The following UBTF variants were observed in gnomAD, a reference collection of about 807,000 sequenced individuals.
UBTF encodes the protein nucleolar transcription factor 1.
UBTF carries 8 observed loss-of-function variants against 112.3 expected under a neutral mutation model. The observed-to-expected ratio is 0.07, with a 90% CI of 0.04 to 0.13. The LOEUF is 0.13. UBTF is among the 10% of genes least tolerant of loss of function. The probability of loss-of-function intolerance (pLI) is 1.00; values close to 1 mark genes in which losing one functional copy is unlikely to be tolerated. For synonymous variants in UBTF, 417 were observed against 373.1 expected, an observed-to-expected ratio of 1.12 and a Z score of -1.36; for missense variants, 457 against 982.1, an observed-to-expected ratio of 0.47 and a Z score of 7.15.
Position 44,210,105 on chromosome 17 carries a change from G to A in UBTF, c.1626+19C>T, listed in dbSNP as rs755840153. 1.7e-5 allele frequency: 28 copies of A among 1,612,780 alleles called. No homozygotes were observed. Among genetic ancestry groups the A allele is most frequent in the Non-Finnish European group, 2.2e-5 (26 of 1,178,940 alleles). ...TCCCGAGCTTTCAATGAATGGGGTGGCCCCAGCCCCATTCCTACCTCATAT... is the reference window on the plus strand; with the variant it reads ...TCCCGAGCTTTCAATGAATGGGGTGACCCCAGCCCCATTCCTACCTCATAT... On this transcript the variant is annotated intron_variant, in intron 15 of 20. Coordinates refer to ENST00000436088, the MANE Select transcript of UBTF (RefSeq NM_014233.4).
In UBTF at chr17:44,206,007, G is replaced by A. The variant is rs1157786546; in HGVS notation, c.*1235C>T. ...GGGGGTGGTGGGAGGATTCAAGGAA[G>A]GCTGGAGGGATGTGTAAGTTAGGAG... is the stretch of plus-strand genomic sequence containing the variant. On this transcript the variant is annotated 3_prime_UTR_variant, in exon 21 of 21. Coordinates refer to ENST00000436088, the MANE Select transcript of UBTF (RefSeq NM_014233.4). 1 of 152,176 alleles carries A rather than the reference G, an allele frequency of 6.6e-6. No homozygotes were observed. The highest frequency in any genetic ancestry group is 1.5e-5 in the Non-Finnish European group (1 of 68,040). 9.4% of individuals were successfully genotyped at this position (152,176 alleles called of 1,614,324 possible).
intron 15 of UBTF, 116 bp from the exon 16 acceptor site, chr17:44,209,849 G>A (rs2144531172): frequency 1.8e-6 from 2 of 1,131,340 alleles, no homozygotes; most frequent in East Asian, 2.6e-5. Context: ...GGGAGGAGGA[G>A]AAACAGGTAG....
In UBTF at chr17:44,210,130, T is replaced by C. The variant is rs2056558927; in HGVS notation, c.1620A>G (p.Arg540=). Residue 540 remains arginine (R), a synonymous_variant, in exon 15 of 21, where the codon CGA becomes CGG. Coordinates refer to ENST00000436088, the MANE Select transcript of UBTF (RefSeq NM_014233.4). ...GCCCCAGCCCCATTCCTACCTCATA[T>C]CGCTTTTGGTCTTCGGCTGCCTTCT... ...WIKKAAEDQK[R]YERELSEMRA... 1 of 1,614,186 alleles carries C rather than the reference T, an allele frequency of 6.2e-7. No homozygotes were observed. Among genetic ancestry groups the C allele is most frequent in the South Asian group, 1.1e-5 (1 of 91,086 alleles).
At position 44,211,039 on chromosome 17, in the gene UBTF, C is replaced by A; in HGVS notation, c.1203G>T (p.Lys401Asn). The A allele has an allele frequency of 6.2e-7, 1 of 1,610,366 alleles. No homozygotes were observed. Reference protein sequence around the residue: ...ASKKPAQEGGKGGSEKPKRPV... With the variant: ...ASKKPAQEGGNGGSEKPKRPV... Reference sequence around the variant, plus strand: ...CTGCGCGGCCGCACCCTCTGCCCACCTTGCCCCCTTCCTGGGCTGGCTTCT... The same window carrying A: ...CTGCGCGGCCGCACCCTCTGCCCACATTGCCCCCTTCCTGGGCTGGCTTCT... Residue 401 changes from lysine to asparagine, a missense_variant and splice_region_variant, in exon 12 of 21, where the codon AAG becomes AAT. This residue lies in a region of UBTF where 108 missense variants were observed against 137.4 expected (regional missense o/e 0.79). Coordinates refer to ENST00000436088, the MANE Select transcript of UBTF (RefSeq NM_014233.4). The surrounding 1 kb of genome is among the most constrained non-coding windows in gnomAD (Gnocchi z 4.9).
rs781085881 is a variant in UBTF, at chr17:44,207,508, A to G, written c.2115T>C (p.Asp705=). The G allele has an allele frequency of 1.2e-6, 2 of 1,613,128 alleles. No individual in the cohort carries two copies. The highest frequency in any genetic ancestry group is 2.2e-5 in the South Asian group (2 of 91,028). Residue 705 remains aspartate, a synonymous_variant, in exon 20 of 21, where the codon GAT becomes GAC. Coordinates refer to ENST00000436088, the MANE Select transcript of UBTF (RefSeq NM_014233.4). ...EDDENGDSSE[D]GGDSSESSSE... The stretch of plus-strand genomic sequence containing the variant: ...TGCTGGACTCAGAGGAGTCGCCGCC[A>G]TCTTCAGAGGAGTCCCCATTCTCAT...
chr17:44,210,945 G>T lies in UBTF; in HGVS notation c.1206C>A (p.Gly402=), dbSNP rs199871004. ...SKKPAQEGGK[G]GSEKPKRPVS... is the part of the protein sequence containing the mutation. ...CGGGCCGCTTGGGCTTCTCGGAGCC[G>T]CCCTGTCCAGGTGCAGAGGGTCGGG... The change falls in exon 13 of 21, where the codon GGC becomes GGA. Residue 402 remains glycine (G), a splice_region_variant and synonymous_variant. Coordinates refer to ENST00000436088, the MANE Select transcript of UBTF (RefSeq NM_014233.4). 6.2e-7 allele frequency: 1 copy of T among 1,605,930 alleles called. No individual in the cohort carries two copies. Among genetic ancestry groups the T allele is most frequent in the South Asian group, 1.1e-5 (1 of 90,858 alleles).
At chr17:44,212,630 C>G (rs966578532) in intron 7 of UBTF, among the ~76,000 whole-genome samples, 176 bp from the exon 8 acceptor site, 2 of 152,180 alleles carry the variant, frequency 1.3e-5, no homozygotes, top group Admixed American at 6.5e-5. Flanking sequence ...TGCAAGGGGA[C>G]TGGCTCATAC....
In UBTF at chr17:44,212,137, C is replaced by T. The variant is rs1026288343; in HGVS notation, c.772-131G>A. On this transcript the variant is annotated intron_variant, in intron 8 of 20. Coordinates refer to ENST00000436088, the MANE Select transcript of UBTF (RefSeq NM_014233.4). ...GTGGCTGCGCGTCAGTGGTGTCACA[C>T]GAGACGTGGTGCCCTGCCCTGCCCT... 1.0e-4 allele frequency: 94 copies of T among 908,764 alleles called. No individual in the cohort carries two copies. In the Middle Eastern group the frequency reaches 1.4e-3, roughly 14 times the overall value. The allele number at this position is 908,764 out of a possible 1,614,324, so 56.3% of individuals were successfully genotyped here.
Position 44,207,142 on chromosome 17 carries a change from C to A in UBTF, c.*100G>T. 2 of 1,333,720 alleles carry A rather than the reference C, an allele frequency of 1.5e-6. No homozygotes were observed. The highest frequency in any genetic ancestry group is 2.1e-6 in the Non-Finnish European group (2 of 969,616). The allele number at this position is 1,333,720 out of a possible 1,614,324, so 82.6% of individuals were successfully genotyped here. ...AAGAAAGAAAGAAAGTGGGGGAGGC[C>A]AGGGGGGCAAGGGACAGAACATGGG... is the stretch of plus-strand genomic sequence containing the variant. On this transcript the variant is annotated 3_prime_UTR_variant, in exon 21 of 21. Coordinates refer to ENST00000436088, the MANE Select transcript of UBTF (RefSeq NM_014233.4).
At position 44,212,602 on chromosome 17, in the gene UBTF, G is replaced by A. The variant is rs1414361141; in HGVS notation, c.661-148C>T. The A allele has an allele frequency of 7.6e-6, 8 of 1,046,264 alleles. No homozygotes were observed. In the African/African-American group the frequency reaches 1.3e-4, roughly 17 times the overall value. 64.8% of individuals were successfully genotyped at this position (1,046,264 alleles called of 1,614,324 possible). A position where few individuals can be genotyped will look rare whatever the true frequency, so the allele number is the denominator to read the frequency against. On this transcript the variant is annotated intron_variant, in intron 7 of 20. Coordinates refer to ENST00000436088, the MANE Select transcript of UBTF (RefSeq NM_014233.4). The stretch of plus-strand genomic sequence containing the variant: ...CAGGCCAGGAGGGGAAGGCGGAGAG[G>A]CGGGGATCCCGCCTGGGTGCAAGGG...
intron 5 of UBTF, chr17:44,215,424 T>C (rs1198852467): frequency 1.8e-6 from 1 of 551,240 alleles, no homozygotes; most frequent in Non-Finnish European, 3.2e-6. Flanking sequence ...GGGGGAAAGG[T>C]TGGTCTGAGC....
chr17:44,211,455 G>A lies in UBTF; in HGVS notation c.1048-124C>T. On this transcript the variant is annotated intron_variant, in intron 10 of 20. Transcript: ENST00000436088. The surrounding 1 kb of genome is among the most constrained non-coding windows in gnomAD (Gnocchi z 4.9). ...TGGGTGTGGGCTGGACTCCCTGCCT[G>A]GACGGGCTCAGTTGCTAAGCCCAGC... The A allele has an allele frequency of 6.4e-7, 1 of 1,563,036 alleles. No individual in the cohort carries two copies. The highest frequency in any genetic ancestry group is 2.2e-5 in the East Asian group (1 of 44,558).
rs2056221060 is a variant in UBTF at position 44,205,980 on chromosome 17, T to G, written c.*1262A>C. 6.6e-6 allele frequency: 1 copy of G among 151,278 alleles called. No individual in the cohort carries two copies. The highest frequency in any genetic ancestry group is 1.5e-5 in the Non-Finnish European group (1 of 67,832). The allele number at this position is 151,278 out of a possible 1,614,324, so 9.4% of individuals were successfully genotyped here. On this transcript the variant is annotated 3_prime_UTR_variant, in exon 21 of 21. Transcript: ENST00000436088. ...AGCAGACCTGAGAAATTAAAGGAAA[T>G]AGGGGGTGGTGGGAGGATTCAAGGA...
chr17:44,214,073 C>G (rs2046721319), intron 5 of UBTF, among the ~76,000 whole-genome samples: 1 of 152,274 alleles, frequency 6.6e-6, no homozygotes, highest in Non-Finnish European at 1.5e-5. Context: ...GTGTCTCTTT[C>G]TCTTCCTCAT....
rs184643601 is a variant in UBTF, at chr17:44,214,281, T to G, written c.475-999A>C. Reference sequence around the variant, plus strand: ...AAACCAGAAGCAGAGCTCAGCCTCCTCTTCCCCCATCTCAGTCCTCCTCAG... The same window carrying G: ...AAACCAGAAGCAGAGCTCAGCCTCCGCTTCCCCCATCTCAGTCCTCCTCAG... On this transcript the variant is annotated intron_variant, in intron 5 of 20. Transcript: ENST00000436088. Among the ~76,000 whole-genome samples, 21 of 152,310 alleles carry G rather than the reference T, an allele frequency of 1.4e-4. 1 individual carries two copies. In the East Asian group the frequency reaches 2.7e-3, roughly 20 times the overall value.
At chr17:44,218,573 G>T (rs918369871) in intron 1 of UBTF, 1 of 149,174 alleles carries the variant, frequency 6.7e-6, no homozygotes, top group Admixed American at 1.1e-4. Flanking sequence ...CCCGCCCTCC[G>T]CCCCGCTTCC....
At position 44,210,849 on chromosome 17, in the gene UBTF, C is replaced by T. The variant is rs2056627785; in HGVS notation, c.1302G>A (p.Glu434=). ...GGGCCAGCAGGCGGGTCAGCTCGCTCTCGGAGAGCTCAGGCCGCTCCTCCT... is the reference window on the plus strand; with the variant it reads ...GGGCCAGCAGGCGGGTCAGCTCGCTTTCGGAGAGCTCAGGCCGCTCCTCCT... ...QLQEERPELS[E]SELTRLLARM... is the part of the protein sequence containing the mutation. Residue 434 remains glutamate, a synonymous_variant, in exon 13 of 21, where the codon GAG becomes GAA. Transcript: ENST00000436088. 2 of 1,572,236 alleles carry T rather than the reference C, an allele frequency of 1.3e-6. No individual in the cohort carries two copies. The highest frequency in any genetic ancestry group is 1.7e-6 in the Non-Finnish European group (2 of 1,158,566).
intron 6 of UBTF, 124 bp downstream of exon 6, chr17:44,213,094 G>T: frequency 6.6e-7 from 1 of 1,521,954 alleles, no homozygotes; most frequent in Non-Finnish European, 8.9e-7. Context: ...TGACACACTA[G>T]GGCTCACATG....
chr17:44,208,470 C>T (rs2056422899), intron 17 of UBTF: 1 of 154,112 alleles, frequency 6.5e-6, no homozygotes, highest in Non-Finnish European at 1.4e-5. Context: ...TATTGGTTTT[C>T]ACATTTTCCC....
Sources: gnomAD v4.1 joint callset for allele counts (sites outside exome capture counted in the v4.1 genomes callset) on GRCh38, gnomAD v4.1.1 for gene constraint, gnomAD v4.1.1 regional missense constraint, Gnocchi (gnomAD v3.1) non-coding constraint, MANE v1.5 for transcripts, NCBI Gene and HGNC (gene_info 2026-07-23, HGNC 2026-07-21) for gene names.